The following NOP14 variants were observed in gnomAD, a reference collection of about 807,000 sequenced individuals.
The protein encoded by NOP14 is NOP14 nucleolar protein.
NOP14 carries 57 observed loss-of-function variants against 101.6 expected under a neutral mutation model. The ratio of observed to expected loss-of-function variants is 0.56; its 90% CI spans 0.45 to 0.70. The LOEUF (loss-of-function observed/expected upper bound fraction) is 0.70. NOP14 is among the 30% of genes least tolerant of loss of function. NOP14 has a pLI of 0.00. For synonymous variants in NOP14, 428 were observed against 424.0 expected, an observed-to-expected ratio of 1.01 and a Z score of -0.12; for missense variants, 1,134 against 1,075.5, an observed-to-expected ratio of 1.05 and a Z score of -0.76.
intron 3 of NOP14, 108 bp from the exon 4 acceptor site, chr4:2,954,671 A>G: frequency 7.4e-7 from 1 of 1,358,546 alleles, no homozygotes; most frequent in Non-Finnish European, 9.8e-7. Context: ...GGAAAAGTCC[A>G]CATTTGAGAA....
rs146656983 is a variant in NOP14 at position 2,960,306 on chromosome 4, G to A, written c.196-2566C>T. On this transcript the variant is annotated intron_variant, in intron 1 of 17. Coordinates refer to ENST00000416614, the MANE Select transcript of NOP14 (RefSeq NM_001291978.2). ...AAGACTTCTGAGGTCTGTCCCTGCAGAGGGAGGGAGTGTCACTGGCTTCTA... is the reference window on the plus strand; with the variant it reads ...AAGACTTCTGAGGTCTGTCCCTGCAAAGGGAGGGAGTGTCACTGGCTTCTA... 3.4e-3 allele frequency among the ~76,000 whole-genome samples: 510 copies of A among 152,120 alleles called. 1 individual carries two copies. Among genetic ancestry groups the A allele is most frequent in the African/African-American group, 0.012 (494 of 41,502 alleles).
At chr4:2,938,968 A>G (rs1368328748) in intron 17 of NOP14, 38 bp from the exon 18 acceptor site, 2 of 1,580,306 alleles carry the variant, frequency 1.3e-6, no homozygotes, top group South Asian at 1.1e-5. Flanking sequence ...TTTTTGGATT[A>G]GTTCTTGGAG....
chr4:2,957,510 C>T lies in NOP14; in HGVS notation c.330+96G>A, dbSNP rs557870268. The T allele has an allele frequency of 1.2e-5, 17 of 1,476,846 alleles. No homozygotes were observed. The Admixed American group carries it at 2.6e-4, about 22-fold the overall frequency. 91.5% of individuals were successfully genotyped at this position (1,476,846 alleles called of 1,614,324 possible). On this transcript the variant is annotated intron_variant, in intron 2 of 17. Transcript: ENST00000416614. ...CTATCCCCTGGACCTTCCGAGTGCC[C>T]AGGAACATGCAAAACATGCAGAGTC...
chr4:2,942,378 GA>G (rs753398495), intron 13 of NOP14, 27 bp from the exon 14 acceptor site: 1 of 1,607,012 alleles, frequency 6.2e-7, no homozygotes, highest in Non-Finnish European at 8.5e-7. Context: ...ACAGGACAGA[GA>G]TGGCCTGAAC....
At chr4:2,959,326 C>T (rs1257978187) in intron 1 of NOP14, among the ~76,000 whole-genome samples, 1 of 152,228 alleles carries the variant, frequency 6.6e-6, no homozygotes, top group Non-Finnish European at 1.5e-5. Context: ...GGCGCGGTGG[C>T]TCACGCCTGT....
chr4:2,961,225 T>A (rs963725816), intron 1 of NOP14: 3 of 118,470 alleles, frequency 2.5e-5, no homozygotes, highest in Admixed American at 9.1e-5. Flanking sequence ...TATATTAATA[T>A]TGTTAGTATA....
At chr4:2,950,912 GA>G in intron 7 of NOP14, 26 of 511,180 alleles carry the variant, frequency 5.1e-5, no homozygotes, top group South Asian at 1.6e-4. Flanking sequence ...GTGAGCAAGT[GA>G]GTGCACATAC....
At chr4:2,948,071 A>G (rs1220219434) in intron 9 of NOP14, among the ~76,000 whole-genome samples, 1 of 152,246 alleles carries the variant, frequency 6.6e-6, no homozygotes, top group Non-Finnish European at 1.5e-5. Context: ...GTCTGGCACG[A>G]GGCCTAGAGA....
chr4:2,962,691 G>A (rs745974568), intron 1 of NOP14, among the ~76,000 whole-genome samples: 31 of 151,876 alleles, frequency 2.0e-4, no homozygotes, highest in Non-Finnish European at 4.1e-4. Context: ...AAACTAGGAA[G>A]CAATGAGTTT....
At chr4:2,944,333 G>T in intron 12 of NOP14, 107 bp from the exon 13 acceptor site, 1 of 942,992 alleles carries the variant, frequency 1.1e-6, no homozygotes, top group Non-Finnish European at 1.6e-6. Flanking sequence ...AGCTTCACAA[G>T]TACAGAGGGA....
At position 2,960,881 on chromosome 4, in the gene NOP14, T is replaced by C. The variant is rs1241075514; in HGVS notation, c.195+2244A>G. ...ATATATTAATATTATAATTACATTATTATTATATTATTATATCAATATTAT... is the reference window on the plus strand; with the variant it reads ...ATATATTAATATTATAATTACATTACTATTATATTATTATATCAATATTAT... On this transcript the variant is annotated intron_variant, in intron 1 of 17. Coordinates refer to ENST00000416614, the MANE Select transcript of NOP14 (RefSeq NM_001291978.2). Among the ~76,000 whole-genome samples, 4 of 112,662 alleles carry C rather than the reference T, an allele frequency of 3.6e-5. 1 individual carries two copies. The highest frequency in any genetic ancestry group is 1.4e-4 in the African/African-American group (4 of 27,942). The allele number at this position is 112,662 out of a possible 152,430, so 73.9% of individuals were successfully genotyped here. A position where few individuals can be genotyped will look rare whatever the true frequency, so the allele number is the denominator to read the frequency against.
rs779594808 is a variant in NOP14, at chr4:2,939,126, G to A, written c.2474+62C>T. The A allele has an allele frequency of 8.1e-6, 13 of 1,601,582 alleles. No individual in the cohort carries two copies. In the East Asian group the frequency reaches 1.8e-4, roughly 22 times the overall value. On this transcript the variant is annotated intron_variant, in intron 17 of 17. Coordinates refer to ENST00000416614, the MANE Select transcript of NOP14 (RefSeq NM_001291978.2). ...GCCAGGTGCCCGGTGCTCTGCCCAG[G>A]GCCACACAGCACCAAAGCTGAGTGA...
intron 11 of NOP14, among the ~76,000 whole-genome samples, chr4:2,945,432 G>GC (rs1191003093): frequency 1.3e-5 from 2 of 152,168 alleles, no homozygotes; most frequent in Non-Finnish European, 2.9e-5. Flanking sequence ...GGACACTGAG[G>GC]CCCATGAAGA....
intron 1 of NOP14, chr4:2,961,326 A>G (rs1187220456): frequency 4.6e-5 from 1 of 21,868 alleles, no homozygotes; most frequent in Non-Finnish European, 2.5e-4. Context: ...AACTACATTA[A>G]TATAACTTAT....
chr4:2,960,708 T>TTACATTA (rs1715692333), intron 1 of NOP14, among the ~76,000 whole-genome samples: 1 of 134,050 alleles, frequency 7.5e-6, no homozygotes, highest in Non-Finnish European at 1.6e-5. Flanking sequence ...TTAATATTAA[T>TTACATTA]ATATTAATAT....
At chr4:2,951,058 AAT>A (rs1419897429) in intron 7 of NOP14, 54 bp downstream of exon 7, 1 of 1,497,650 alleles carries the variant, frequency 6.7e-7, no homozygotes, top group Non-Finnish European at 9.1e-7. Flanking sequence ...ATACCAAAAA[AAT>A]GTTTTTAAAT....
chr4:2,953,059 A>G (rs1715135207), intron 5 of NOP14, among the ~76,000 whole-genome samples: 1 of 152,264 alleles, frequency 6.6e-6, no homozygotes, highest in Non-Finnish European at 1.5e-5. Flanking sequence ...CATGACACTA[A>G]TCTGCTGGGA....
intron 8 of NOP14, among the ~76,000 whole-genome samples, chr4:2,948,782 CT>C (rs1397224131): frequency 6.6e-6 from 1 of 152,176 alleles, no homozygotes. Context: ...ATGAGAATTA[CT>C]TACATGTCTG....
Position 2,941,812 on chromosome 4 carries a change from C to T in NOP14, c.2052-83G>A, listed in dbSNP as rs1381903156. ...CAATAACGTGGCAAAAATGAACTTC[C>T]CCACTTCCACTAGGCTGAAAACTCC... On this transcript the variant is annotated intron_variant, in intron 14 of 17. Transcript: ENST00000416614. 2.8e-6 allele frequency: 4 copies of T among 1,453,548 alleles called. No homozygotes were observed. The East Asian group carries it at 9.4e-5, about 34-fold the overall frequency. The allele number at this position is 1,453,548 out of a possible 1,614,324, so 90.0% of individuals were successfully genotyped here.
Sources: allele counts gnomAD v4.1 joint callset (sites outside exome capture counted in the v4.1 genomes callset), GRCh38; gene constraint gnomAD v4.1.1; transcripts MANE v1.5; gene names NCBI Gene and HGNC (gene_info 2026-07-23, HGNC 2026-07-21).